CNTNAP2: variants seen among roughly 807,000 people sequenced by gnomAD.
CNTNAP2 encodes contactin-associated protein-like 2.
CNTNAP2 carries 98 observed loss-of-function variants against 155.2 expected under a neutral mutation model. That is an observed-to-expected ratio of 0.63 (90% CI 0.54 to 0.75). The LOEUF (loss-of-function observed/expected upper bound fraction) is 0.75, where lower values mean the gene tolerates loss of function less well. Among genes scored for constraint, CNTNAP2 ranks in the 30% least tolerant of loss-of-function variants. CNTNAP2 has a pLI of 0.00. For synonymous variants in CNTNAP2, 651 were observed against 631.2 expected, an observed-to-expected ratio of 1.03 and a Z score of -0.47; for missense variants, 1,727 against 1,688.1, an observed-to-expected ratio of 1.02 and a Z score of -0.40.
chr7:147,260,908 A>G (rs1584827037), intron 8 of CNTNAP2, among the ~76,000 whole-genome samples: 1 of 152,216 alleles, frequency 6.6e-6, no homozygotes, highest in Admixed American at 6.5e-5. Context: ...CTCACTCCAG[A>G]ACAACTGAAT....
At chr7:146,641,725 A>G (rs1799711366) in intron 1 of CNTNAP2, among the ~76,000 whole-genome samples, 2 of 152,150 alleles carry the variant, frequency 1.3e-5, no homozygotes, top group African/African-American at 4.8e-5. Context: ...TTCGGAGGAG[A>G]GAGAAAAAAA....
intron 1 of CNTNAP2, among the ~76,000 whole-genome samples, chr7:146,748,923 T>A (rs1045100360): frequency 2.0e-5 from 3 of 152,214 alleles, no homozygotes; most frequent in African/African-American, 7.2e-5. Context: ...AGTCTGCAAT[T>A]CAACCATTTG....
At chr7:147,044,505 C>T (rs1167145425) in intron 4 of CNTNAP2, among the ~76,000 whole-genome samples, 1 of 152,086 alleles carries the variant, frequency 6.6e-6, no homozygotes, top group East Asian at 1.9e-4. Context: ...TATGCCTATT[C>T]CTATACTAAA....
intron 13 of CNTNAP2, among the ~76,000 whole-genome samples, chr7:147,643,184 T>A (rs927354320): frequency 6.6e-6 from 1 of 152,184 alleles, no homozygotes; most frequent in Non-Finnish European, 1.5e-5. Flanking sequence ...TAGTCCTTCA[T>A]GTGGGAGAAG....
At chr7:148,129,133 T>A (rs946786428) in intron 16 of CNTNAP2, among the ~76,000 whole-genome samples, 2 of 152,124 alleles carry the variant, frequency 1.3e-5, no homozygotes, top group Admixed American at 6.5e-5. Flanking sequence ...AACTTCTGCT[T>A]TGGAAACCAG....
intron 13 of CNTNAP2, among the ~76,000 whole-genome samples, chr7:147,645,522 T>C (rs1387253478): frequency 6.6e-6 from 1 of 152,138 alleles, no homozygotes; most frequent in Admixed American, 6.5e-5. Context: ...AGGGTAAAAT[T>C]AGAAAATTGT....
chr7:146,599,912 T>C (rs1445609751), intron 1 of CNTNAP2, among the ~76,000 whole-genome samples: 1 of 152,138 alleles, frequency 6.6e-6, no homozygotes, highest in Non-Finnish European at 1.5e-5. Context: ...TCTGTAAAAC[T>C]ATGTGTAAAA....
intron 19 of CNTNAP2, among the ~76,000 whole-genome samples, chr7:148,218,876 T>C (rs1795692725): frequency 6.6e-6 from 1 of 151,610 alleles, no homozygotes; most frequent in African/African-American, 2.4e-5. Flanking sequence ...CTTGCTGAAC[T>C]TGAGAAGTCC....
intron 12 of CNTNAP2, among the ~76,000 whole-genome samples, chr7:147,636,211 C>T (rs1270991884): frequency 1.3e-5 from 2 of 152,078 alleles, no homozygotes; most frequent in African/African-American, 4.8e-5. Context: ...ATGGGGGACA[C>T]TGTAACTGAA....
intron 3 of CNTNAP2, among the ~76,000 whole-genome samples, chr7:147,041,442 C>T (rs1380224140): frequency 6.6e-6 from 1 of 152,216 alleles, no homozygotes; most frequent in East Asian, 1.9e-4. Context: ...TCCCTGGACT[C>T]TGGGTCTTAT....
chr7:146,714,660 T>C (rs1293460387), intron 1 of CNTNAP2, among the ~76,000 whole-genome samples: 1 of 152,144 alleles, frequency 6.6e-6, no homozygotes, highest in African/African-American at 2.4e-5. Context: ...AGTTTTCGAG[T>C]TAAGATAACT....
At chr7:147,959,677 G>A (rs1801082855) in intron 14 of CNTNAP2, among the ~76,000 whole-genome samples, 2 of 152,100 alleles carry the variant, frequency 1.3e-5, no homozygotes, top group African/African-American at 4.8e-5. Flanking sequence ...TAACTTTGGG[G>A]TCATCAGGTC....
chr7:147,782,021 T>TTAA (rs1554434194), intron 13 of CNTNAP2, among the ~76,000 whole-genome samples: 57 of 137,830 alleles, frequency 4.1e-4, no homozygotes, highest in African/African-American at 1.3e-3. Flanking sequence ...AGATTCCGTT[T>TTAA]AAAAAAAAAA....
At chr7:147,713,607 C>T (rs144115380) in intron 13 of CNTNAP2, among the ~76,000 whole-genome samples, 2,591 of 152,256 alleles carry the variant, frequency 0.017, 225 homozygotes, top group Admixed American at 0.15. Flanking sequence ...AACATTCTCA[C>T]ACAGATTTTT....
chr7:146,352,909 C>A (rs573153419), intron 1 of CNTNAP2, among the ~76,000 whole-genome samples: 7 of 150,732 alleles, frequency 4.6e-5, no homozygotes, highest in Non-Finnish European at 1.0e-4. Context: ...CACCCGCCAC[C>A]ACGCCCGGCT....
At chr7:147,373,706 T>C (rs184379288) in intron 9 of CNTNAP2, among the ~76,000 whole-genome samples, 1 of 152,178 alleles carries the variant, frequency 6.6e-6, no homozygotes, top group African/African-American at 2.4e-5. Flanking sequence ...TAGTAGTGTT[T>C]GTATGAACTG....
intron 4 of CNTNAP2, among the ~76,000 whole-genome samples, chr7:147,074,221 C>T (rs1799952888): frequency 1.3e-5 from 2 of 152,060 alleles, no homozygotes; most frequent in African/African-American, 4.8e-5. Context: ...AGATCTCCAT[C>T]TGCTCTTCCA....
At chr7:147,527,322 C>G (rs1484228200) in intron 11 of CNTNAP2, among the ~76,000 whole-genome samples, 2 of 151,946 alleles carry the variant, frequency 1.3e-5, no homozygotes, top group East Asian at 1.9e-4. Flanking sequence ...TGTGCCCGGC[C>G]AAGACAGGTA....
chr7:146,716,213 G>GAAA (rs571237905), intron 1 of CNTNAP2, among the ~76,000 whole-genome samples: 53 of 113,040 alleles, frequency 4.7e-4, no homozygotes, highest in African/African-American at 1.5e-3. Flanking sequence ...AAGTCTGCAG[G>GAAA]AAAAAAAAAA....
Sources: gnomAD v4.1 joint callset for allele counts (sites outside exome capture counted in the v4.1 genomes callset) on GRCh38, gnomAD v4.1.1 for gene constraint, MANE v1.5 for transcripts, NCBI Gene and HGNC (gene_info 2026-07-23, HGNC 2026-07-21) for gene names.